LDB2: variants seen among roughly 807,000 people sequenced by gnomAD.
LDB2 encodes LIM domain-binding protein 2.
Under a neutral mutation model 44.3 loss-of-function variants are expected in LDB2, and 12 were observed. That is an observed-to-expected ratio of 0.27 (90% CI 0.17 to 0.44). The LOEUF (loss-of-function observed/expected upper bound fraction) is 0.44. LDB2 is among the 20% of genes least tolerant of loss of function. The pLI, the probability that LDB2 is intolerant of heterozygous loss-of-function variation, is 1.00. For missense variants in LDB2, 344 were observed against 473.5 expected, an observed-to-expected ratio of 0.73 and a Z score of 2.54; for synonymous variants, 164 against 174.8, an observed-to-expected ratio of 0.94 and a Z score of 0.49.
chr4:16,727,769 A>G (rs1397247276), intron 2 of LDB2, among the ~76,000 whole-genome samples: 1 of 152,184 alleles, frequency 6.6e-6, no homozygotes, highest in Non-Finnish European at 1.5e-5. Flanking sequence ...AGTTTGATTA[A>G]GTCTTCATTT....
At position 16,742,535 on chromosome 4, in the gene LDB2, TTC is replaced by T. The variant is rs908898531; in HGVS notation, c.235+16621_235+16622del. ...GACACAGAAGCCCCTAAGTTTGGAA[TTC>T]TCTGTCAGAAATGGTGGAGAAGAAA... On this transcript the variant is annotated intron_variant, in intron 2 of 7. Coordinates refer to ENST00000304523, the MANE Select transcript of LDB2 (RefSeq NM_001290.5). 3.3e-5 allele frequency among the ~76,000 whole-genome samples: 5 copies of T among 152,312 alleles called. No individual in the cohort carries two copies. In the East Asian group the frequency reaches 9.7e-4, roughly 29 times the overall value.
At chr4:16,619,599 G>C (rs891488137) in intron 2 of LDB2, among the ~76,000 whole-genome samples, 5 of 152,040 alleles carry the variant, frequency 3.3e-5, no homozygotes, top group African/African-American at 9.7e-5. Context: ...GGGATTTGCA[G>C]CAATCCAAGG....
At chr4:16,709,874 G>T (rs955073502) in intron 2 of LDB2, among the ~76,000 whole-genome samples, 1 of 152,114 alleles carries the variant, frequency 6.6e-6, no homozygotes, top group African/African-American at 2.4e-5. Flanking sequence ...CAGTTCACCA[G>T]GTTCTCTACC....
intron 2 of LDB2, among the ~76,000 whole-genome samples, chr4:16,648,501 C>T (rs1012688711): frequency 2.0e-5 from 3 of 152,188 alleles, no homozygotes; most frequent in Admixed American, 6.5e-5. Flanking sequence ...TGCCAACTGG[C>T]ACCAGGCAGT....
Position 16,898,433 on chromosome 4 carries a change from T to C in LDB2, c.53A>G (p.Tyr18Cys). 6.2e-7 allele frequency: 1 copy of C among 1,613,810 alleles called. No homozygotes were observed. Among genetic ancestry groups the C allele is most frequent in the Non-Finnish European group, 8.5e-7 (1 of 1,179,926 alleles). Reference sequence around the variant, plus strand: ...TACCATGTATGGTGTATGCCTCCTATAAAATGGGCCGAAAGGAGAAGAATA... The same window carrying C: ...TACCATGTATGGTGTATGCCTCCTACAAAATGGGCCGAAAGGAGAAGAATA... ...PFYSSPFGPF[Y>C]RRHTPYMVQP... Residue 18 changes from tyrosine to cysteine, a missense_variant, in exon 1 of 8, where the codon TAT becomes TGT. Transcript: ENST00000304523.
chr4:16,850,679 ATCC>A (rs1416421106), intron 1 of LDB2, among the ~76,000 whole-genome samples: 2 of 152,154 alleles, frequency 1.3e-5, no homozygotes, highest in African/African-American at 4.8e-5. Flanking sequence ...TATCTTCTTG[ATCC>A]TAGCATAGCT....
At chr4:16,742,568 T>C (rs1215596183) in intron 2 of LDB2, among the ~76,000 whole-genome samples, 1 of 152,138 alleles carries the variant, frequency 6.6e-6, no homozygotes, top group African/African-American at 2.4e-5. Flanking sequence ...AGAAAGACTT[T>C]TTCAAGGTCC....
intron 2 of LDB2, among the ~76,000 whole-genome samples, chr4:16,692,845 T>A (rs1302346727): frequency 2.6e-5 from 4 of 152,240 alleles, no homozygotes; most frequent in African/African-American, 9.6e-5. Context: ...CTGGCCTATA[T>A]GTACACATGA....
At chr4:16,734,630 G>A (rs574274837) in intron 2 of LDB2, among the ~76,000 whole-genome samples, 1 of 151,614 alleles carries the variant, frequency 6.6e-6, no homozygotes, top group African/African-American at 2.4e-5. Flanking sequence ...CCCCCTGGCC[G>A]AGGCCCTGTC....
chr4:16,730,320 A>G (rs1350537494), intron 2 of LDB2, among the ~76,000 whole-genome samples: 1 of 152,126 alleles, frequency 6.6e-6, no homozygotes, highest in Non-Finnish European at 1.5e-5. Context: ...GGTCATTATC[A>G]TAGTTACGAC....
chr4:16,870,430 G>A (rs1442263196), intron 1 of LDB2, among the ~76,000 whole-genome samples: 1 of 142,674 alleles, frequency 7.0e-6, no homozygotes, highest in African/African-American at 2.6e-5. Context: ...CTAATTAGGG[G>A]CTCTGCAATC....
chr4:16,513,470 G>A (rs1560323170), intron 5 of LDB2, among the ~76,000 whole-genome samples: 1 of 152,172 alleles, frequency 6.6e-6, no homozygotes, highest in Admixed American at 6.5e-5. Context: ...CCAAGGCTGA[G>A]ACTACGCCTT....
At chr4:16,692,922 A>G (rs1751147685) in intron 2 of LDB2, among the ~76,000 whole-genome samples, 1 of 152,240 alleles carries the variant, frequency 6.6e-6, no homozygotes, top group Admixed American at 6.5e-5. Context: ...GAGTGTGTGC[A>G]TTAACTCCTA....
At chr4:16,753,389 C>T (rs1331187850) in intron 2 of LDB2, among the ~76,000 whole-genome samples, 1 of 152,164 alleles carries the variant, frequency 6.6e-6, no homozygotes, top group Non-Finnish European at 1.5e-5. Flanking sequence ...AAATACACAA[C>T]ACATAAAAAC....
Position 16,847,595 on chromosome 4 carries a change from A to T in LDB2, c.132+50759T>A, listed in dbSNP as rs1384562456. Among the ~76,000 whole-genome samples the T allele has an allele frequency of 1.3e-4, 19 of 141,804 alleles. No homozygotes were observed. In the South Asian group the frequency reaches 2.7e-3, roughly 20 times the overall value. 93.0% of individuals were successfully genotyped at this position (141,804 alleles called of 152,430 possible). ...ATCATTGGTAAAGGTTCTTTAACAC[A>T]TGTTTGTTTGTTTGTTTGTTTGTTT... On this transcript the variant is annotated intron_variant, in intron 1 of 7. Transcript: ENST00000304523.
intron 1 of LDB2, among the ~76,000 whole-genome samples, chr4:16,873,891 C>T (rs1193267825): frequency 6.6e-6 from 1 of 152,164 alleles, no homozygotes; most frequent in Non-Finnish European, 1.5e-5. Flanking sequence ...ATTACTGTTT[C>T]CATCCACGTA....
At chr4:16,826,080 A>G (rs955540133) in intron 1 of LDB2, among the ~76,000 whole-genome samples, 2 of 151,358 alleles carry the variant, frequency 1.3e-5, no homozygotes, top group Admixed American at 6.6e-5. Context: ...TAATCTACTA[A>G]TGGATTATAG....
chr4:16,526,017 G>T (rs1001627295), intron 5 of LDB2, among the ~76,000 whole-genome samples: 7 of 152,156 alleles, frequency 4.6e-5, no homozygotes, highest in African/African-American at 1.7e-4. Flanking sequence ...AATGACAAGG[G>T]TACTGTTATC....
intron 2 of LDB2, among the ~76,000 whole-genome samples, chr4:16,658,742 C>A (rs10006784): frequency 0.42 from 63,636 of 151,916 alleles, 13,950 homozygotes; most frequent in Middle Eastern, 0.59. Flanking sequence ...TTTTAAGCAT[C>A]CACCCATGTA....
Sources: allele counts gnomAD v4.1 joint callset (sites outside exome capture counted in the v4.1 genomes callset), GRCh38; gene constraint gnomAD v4.1.1; transcripts MANE v1.5; gene names NCBI Gene and HGNC (gene_info 2026-07-23, HGNC 2026-07-21).